Variants in TMEM120A observed in about 807,000 individuals in gnomAD.
The protein encoded by TMEM120A is transmembrane protein 120A, also known as ion channel TACAN.
In TMEM120A, 45 loss-of-function variants were observed where a neutral mutation model predicts 54.3. The observed-to-expected ratio is 0.83, with a 90% CI of 0.65 to 1.06. The LOEUF (loss-of-function observed/expected upper bound fraction) is 1.06. Ranked by LOEUF, TMEM120A falls within the 50% of genes least tolerant of loss-of-function variation. The pLI is 0.00. For synonymous variants in TMEM120A, 204 were observed against 178.5 expected (o/e 1.14, Z -1.14); for missense variants, 424 against 441.7 (o/e 0.96, Z 0.36).
intron 3 of TMEM120A, among the ~76,000 whole-genome samples, chr7:75,989,441 C>T (rs1554561363): frequency 2.6e-5 from 4 of 151,680 alleles, no homozygotes; most frequent in South Asian, 2.1e-4. Flanking sequence ...TCCTGACCCC[C>T]GGAGGAAACA....
intron 3 of TMEM120A, among the ~76,000 whole-genome samples, chr7:75,991,087 C>T (rs1460723151): frequency 4.6e-5 from 7 of 152,062 alleles, no homozygotes; most frequent in Non-Finnish European, 7.4e-5. Flanking sequence ...CCTTTCTTCT[C>T]CCTGCCTTCT....
At chr7:75,991,617 C>G (rs782237508) in intron 3 of TMEM120A, among the ~76,000 whole-genome samples, 1 of 152,064 alleles carries the variant, frequency 6.6e-6, no homozygotes, top group African/African-American at 2.4e-5. Context: ...GTTGCCCAGG[C>G]GGGTCTTGAA....
rs1789724325 is a variant in TMEM120A, at chr7:75,989,105, G to GGTGGA, written c.377+59_377+60insTCCAC. 2.8e-4 allele frequency: 132 copies of GGTGGA among 475,144 alleles called. 2 individuals carry two copies. Among genetic ancestry groups the GGTGGA allele is most frequent in the Middle Eastern group, 5.4e-4 (1 of 1,846 alleles). 29.4% of individuals were successfully genotyped at this position (475,144 alleles called of 1,614,324 possible). A position where few individuals can be genotyped will look rare whatever the true frequency, so the allele number is the denominator to read the frequency against. On this transcript the variant is annotated intron_variant, in intron 4 of 11. Transcript: ENST00000493111. ...AGGGGTGGAGGTTGAGGGGGGGAGGGGGGTAGGGGGCTAGGGGTGGAGGGG... is the reference window on the plus strand; with the variant it reads ...AGGGGTGGAGGTTGAGGGGGGGAGGGGTGGAGGGTAGGGGGCTAGGGGTGGAGGGG...
intron 3 of TMEM120A, among the ~76,000 whole-genome samples, chr7:75,990,150 C>T (rs1406943588): frequency 6.6e-6 from 1 of 152,220 alleles, no homozygotes; most frequent in African/African-American, 2.4e-5. Flanking sequence ...ACTGCCAACC[C>T]ACCAGGCTGC....
At chr7:75,993,354 C>T (rs577787088) in intron 1 of TMEM120A, among the ~76,000 whole-genome samples, 1 of 152,374 alleles carries the variant, frequency 6.6e-6, no homozygotes, top group East Asian at 1.9e-4. Context: ...ACCCTAGAGC[C>T]TCCTGCTCTA....
chr7:75,989,743 G>T (rs140594993), intron 3 of TMEM120A, among the ~76,000 whole-genome samples: 1 of 152,040 alleles, frequency 6.6e-6, no homozygotes, highest in East Asian at 1.9e-4. Flanking sequence ...CTCCCGGGGC[G>T]TTTCTTCCCA....
In TMEM120A at chr7:75,988,526, G is replaced by A. The variant is rs577920138; in HGVS notation, c.378-10C>T. The A allele has an allele frequency of 4.9e-5, 78 of 1,596,868 alleles. No individual in the cohort carries two copies. The East Asian group carries it at 5.2e-4, about 11-fold the overall frequency. On this transcript the variant is annotated splice_polypyrimidine_tract_variant and intron_variant, in intron 4 of 11. Coordinates refer to ENST00000493111, the MANE Select transcript of TMEM120A (RefSeq NM_031925.3). ...GTCCTTGTAGGCAAACCTGGGGGGC[G>A]CAGGCCGGTGAGACGGGTGGGGTGC...
At position 75,987,314 on chromosome 7, in the gene TMEM120A, C is replaced by CA. The variant is rs782790669; in HGVS notation, c.919-30dup. The stretch of plus-strand genomic sequence containing the variant: ...CCGGAGGAATAGGGTGAGGGCTGGA[C>CA]ATGGGCCTGGCCCCCCATCCATCCT... On this transcript the variant is annotated intron_variant, in intron 11 of 11. Coordinates refer to ENST00000493111, the MANE Select transcript of TMEM120A (RefSeq NM_031925.3). 11 of 1,572,486 alleles carry CA rather than the reference C, an allele frequency of 7.0e-6. No individual in the cohort carries two copies. In the South Asian group the frequency reaches 1.3e-4, roughly 18 times the overall value.
At chr7:75,989,073 T>TGGGGGGAG in intron 4 of TMEM120A, 92 bp downstream of exon 4, 1 of 217,664 alleles carries the variant, frequency 4.6e-6, no homozygotes, top group South Asian at 3.7e-5. Context: ...GGGGGAAGGC[T>TGGGGGGAG]GGGTGGAGGG....
In TMEM120A at chr7:75,989,346, C is replaced by A. The variant is rs1554561347; in HGVS notation, c.318-122G>T. 10 of 715,928 alleles carry A rather than the reference C, an allele frequency of 1.4e-5. No individual in the cohort carries two copies. The African/African-American group carries it at 1.7e-4, about 12-fold the overall frequency. The allele number at this position is 715,928 out of a possible 1,614,324, so 44.3% of individuals were successfully genotyped here. A position where few individuals can be genotyped will look rare whatever the true frequency, so the allele number is the denominator to read the frequency against. On this transcript the variant is annotated intron_variant, in intron 3 of 11. Transcript: ENST00000493111. The stretch of plus-strand genomic sequence containing the variant: ...CCACCCCCTCACCCGCTGCTTTCCG[C>A]AGGGCCTTGGCATCGGGTTCTGACC...
chr7:75,993,485 G>C (rs999088591), intron 1 of TMEM120A, among the ~76,000 whole-genome samples: 3 of 152,270 alleles, frequency 2.0e-5, no homozygotes, highest in African/African-American at 7.2e-5. Context: ...AGTGTGAGGA[G>C]AGCCAAGCAG....
At position 75,987,250 on chromosome 7, in the gene TMEM120A, G is replaced by C. The variant is rs1554559961; in HGVS notation, c.954C>G (p.Phe318Leu). The change falls in exon 12 of 12, where the codon TTC becomes TTG. Residue 318 changes from phenylalanine to leucine, a missense_variant. Transcript: ENST00000493111. The stretch of plus-strand genomic sequence containing the variant: ...TCAGGGTGGTGAAGAAATTGCCGAG[G>C]AAAAGGAGGAGGAAGGGAAAGCCGC... ...LMCGFPFLLL[F>L]LGNFFTTLRV... The C allele has an allele frequency of 6.2e-7, 1 of 1,607,842 alleles. No individual in the cohort carries two copies. The highest frequency in any genetic ancestry group is 2.2e-5 in the East Asian group (1 of 44,690).
At position 75,987,155 on chromosome 7, in the gene TMEM120A, C is replaced by T. The variant is rs1554559850; in HGVS notation, c.*17G>A. On this transcript the variant is annotated 3_prime_UTR_variant, in exon 12 of 12. Transcript: ENST00000493111. Reference sequence around the variant, plus strand: ...CAGGACAGAAGCCCCTCTGGGCCGGCAGGGGAAGGCCCAGCCTCAATCCTT... The same window carrying T: ...CAGGACAGAAGCCCCTCTGGGCCGGTAGGGGAAGGCCCAGCCTCAATCCTT... The T allele has an allele frequency of 1.3e-6, 2 of 1,578,008 alleles. No homozygotes were observed. The highest frequency in any genetic ancestry group is 2.3e-5 in the East Asian group (1 of 43,076).
At position 75,990,681 on chromosome 7, in the gene TMEM120A, C is replaced by T. The variant is rs187557862; in HGVS notation, c.318-1457G>A. On this transcript the variant is annotated intron_variant, in intron 3 of 11. Coordinates refer to ENST00000493111, the MANE Select transcript of TMEM120A (RefSeq NM_031925.3). ...CGGGTGGATCATGAGGTCAGAAGAT[C>T]GAGACCAGCCTGACCAACATGGTGA... Among the ~76,000 whole-genome samples the T allele has an allele frequency of 3.2e-3, 483 of 151,978 alleles. 3 individuals carry two copies. The highest frequency in any genetic ancestry group is 0.011 in the African/African-American group (462 of 41,448).
chr7:75,988,544 T>C (rs782363555), intron 4 of TMEM120A, 28 bp from the exon 5 acceptor site: 24 of 1,534,102 alleles, frequency 1.6e-5, no homozygotes, highest in Non-Finnish European at 2.1e-5. Flanking sequence ...GTGAGACGGG[T>C]GGGGTGCTGG....
rs781943398 is a variant in TMEM120A at position 75,994,558 on chromosome 7, G to C, written c.13C>G (p.Pro5Ala). 1 of 1,549,448 alleles carries C rather than the reference G, an allele frequency of 6.5e-7. No homozygotes were observed. The highest frequency in any genetic ancestry group is 1.2e-5 in the South Asian group (1 of 84,390). The change falls in exon 1 of 12, where the codon CCC becomes GCC. Residue 5 changes from proline to alanine, a missense_variant. Pro to Ala is a conservative substitution (Grantham distance 27). Transcript: ENST00000493111. MQPP[P>A]PGPLGDCLRD... The stretch of plus-strand genomic sequence containing the variant: ...AGGCAGTCGCCCAGCGGGCCCGGGG[G>C]CGGGGGCTGCATGGCTGCAGCGCCA...
chr7:75,992,137 C>A lies in TMEM120A; in HGVS notation c.317+7G>T, dbSNP rs1554561936. On this transcript the variant is annotated splice_region_variant and intron_variant, in intron 3 of 11. Transcript: ENST00000493111. The stretch of plus-strand genomic sequence containing the variant: ...ACTGAGCTGGGGGTGGCGGTGGGGG[C>A]CCTCACCCATTCTTCTTAGGCAAAT... The A allele has an allele frequency of 5.1e-6, 8 of 1,583,962 alleles. No homozygotes were observed. In the Admixed American group the frequency reaches 7.0e-5, roughly 14 times the overall value.
chr7:75,987,217 C>T lies in TMEM120A; in HGVS notation c.987G>A (p.Val329=), dbSNP rs782176905. 1 of 1,608,998 alleles carries T rather than the reference C, an allele frequency of 6.2e-7. No homozygotes were observed. ...LGNFFTTLRV[V]HHKFHSQRHG... The stretch of plus-strand genomic sequence containing the variant: ...GCCGCTGACTGTGAAACTTGTGGTG[C>T]ACAACCCTCAGGGTGGTGAAGAAAT... Residue 329 remains valine, a synonymous_variant, in exon 12 of 12, where the codon GTG becomes GTA. Coordinates refer to ENST00000493111, the MANE Select transcript of TMEM120A (RefSeq NM_031925.3).
At position 75,992,548 on chromosome 7, in the gene TMEM120A, G is replaced by A. The variant is rs781814451; in HGVS notation, c.91C>T (p.Arg31Trp). The change falls in exon 2 of 12, where the codon CGG (arginine) becomes TGG (tryptophan). Residue 31 changes from arginine to tryptophan, a missense_variant. Coordinates refer to ENST00000493111, the MANE Select transcript of TMEM120A (RefSeq NM_031925.3). ...QDFQNIQETH[R>W]LYRLKLEELT... ...TCCTCCAGCTTCAGGCGGTAGAGCC[G>A]ATGGGTCTCCTGGGGGCCGGAGGGG... 5.1e-6 allele frequency: 8 copies of A among 1,575,846 alleles called. No individual in the cohort carries two copies. In the African/African-American group the frequency reaches 9.4e-5, roughly 19 times the overall value.
Sources: gnomAD v4.1 joint callset for allele counts (sites outside exome capture counted in the v4.1 genomes callset) on GRCh38, gnomAD v4.1.1 for gene constraint, MANE v1.5 for transcripts, NCBI Gene and HGNC (gene_info 2026-07-23, HGNC 2026-07-21) for gene names.